LRRC4C: variants seen among roughly 807,000 people sequenced by gnomAD.
The protein encoded by LRRC4C is leucine rich repeat containing 4C.
A neutral mutation model predicts 33.6 loss-of-function variants in LRRC4C; 5 were observed. That is an observed-to-expected ratio of 0.15 (90% CI 0.08 to 0.31). The LOEUF (loss-of-function observed/expected upper bound fraction) is 0.31, where lower values mean the gene tolerates loss of function less well. LRRC4C is among the 10% of genes least tolerant of loss of function. The pLI is 1.00. For synonymous variants in LRRC4C, 329 were observed against 302.0 expected (o/e 1.09, Z -0.93); for missense variants, 560 against 796.7 (o/e 0.70, Z 3.58).
At chr11:40,794,700 A>T (rs768120671) in intron 2 of LRRC4C, among the ~76,000 whole-genome samples, 3 of 152,216 alleles carry the variant, frequency 2.0e-5, no homozygotes, top group Admixed American at 6.5e-5. Context: ...AATTCCTATG[A>T]GTAATACTGA....
intron 1 of LRRC4C, among the ~76,000 whole-genome samples, chr11:41,049,957 A>G (rs1449256842): frequency 6.6e-6 from 1 of 152,224 alleles, no homozygotes; most frequent in Non-Finnish European, 1.5e-5. Flanking sequence ...GAATTTTCCA[A>G]TGACTCATAA....
intron 1 of LRRC4C, among the ~76,000 whole-genome samples, chr11:40,981,134 G>T (rs190432410): frequency 7.8e-4 from 118 of 152,236 alleles, no homozygotes; most frequent in South Asian, 1.5e-3. Context: ...TCTAATTGGC[G>T]GCTGGGCGAG....
chr11:41,135,117 C>T (rs887639253), intron 1 of LRRC4C, among the ~76,000 whole-genome samples: 3 of 152,144 alleles, frequency 2.0e-5, no homozygotes, highest in Admixed American at 2.0e-4. Context: ...TTAACATTGA[C>T]ACATGGCCAT....
intron 3 of LRRC4C, among the ~76,000 whole-genome samples, chr11:40,371,938 G>C (rs1026696539): frequency 6.6e-6 from 1 of 152,082 alleles, no homozygotes; most frequent in African/African-American, 2.4e-5. Context: ...GCGGCTATGG[G>C]ATGAAAAAAC....
chr11:41,010,436 T>C (rs1855088021), intron 1 of LRRC4C, among the ~76,000 whole-genome samples: 1 of 152,186 alleles, frequency 6.6e-6, no homozygotes, highest in Non-Finnish European at 1.5e-5. Flanking sequence ...AGTGAAAATA[T>C]ACCAGGCATT....
intron 1 of LRRC4C, among the ~76,000 whole-genome samples, chr11:41,053,137 C>T (rs1407713669): frequency 6.6e-6 from 1 of 152,212 alleles, no homozygotes; most frequent in Non-Finnish European, 1.5e-5. Flanking sequence ...TCCTCATACT[C>T]CTGCCTGTTT....
At chr11:40,916,622 C>T (rs1187402882) in intron 2 of LRRC4C, among the ~76,000 whole-genome samples, 1 of 151,820 alleles carries the variant, frequency 6.6e-6, no homozygotes, top group Non-Finnish European at 1.5e-5. Flanking sequence ...GGGTTCAGCA[C>T]ACCAACATGG....
In LRRC4C at chr11:40,114,875, T is replaced by A. The variant is rs1237120953; in HGVS notation, c.1418A>T (p.Asp473Val). ...CACTGGAGTGGGACCCACATTGTTA[T>A]CTGTGGTCCGTGCCTCATCCTGAGA... ...EPSQDEARTTDNNVGPTPVVD... is the reference protein window; with the variant it reads ...EPSQDEARTTVNNVGPTPVVD... Residue 473 changes from aspartate (D) to valine (V), a missense_variant, in exon 7 of 7, where the codon GAT becomes GTT. This residue lies in a region of LRRC4C where 455 missense variants were observed against 643.8 expected (regional missense o/e 0.71). Coordinates refer to ENST00000528697, the MANE Select transcript of LRRC4C (RefSeq NM_001258419.2). The A allele has an allele frequency of 1.9e-6, 3 of 1,614,072 alleles. No individual in the cohort carries two copies. Among genetic ancestry groups the A allele is most frequent in the Admixed American group, 1.7e-5 (1 of 60,000 alleles).
At chr11:40,881,751 G>C (rs1955188305) in intron 2 of LRRC4C, among the ~76,000 whole-genome samples, 1 of 151,166 alleles carries the variant, frequency 6.6e-6, no homozygotes, top group South Asian at 2.1e-4. Flanking sequence ...TCACCTCTGT[G>C]AAATTTTGTC....
At chr11:40,635,107 T>C (rs912072463) in intron 3 of LRRC4C, among the ~76,000 whole-genome samples, 8 of 152,134 alleles carry the variant, frequency 5.3e-5, no homozygotes, top group Admixed American at 5.2e-4. Context: ...AACACTCCTA[T>C]ACCTCCAGGC....
intron 1 of LRRC4C, among the ~76,000 whole-genome samples, chr11:40,962,904 A>C (rs970289035): frequency 1.3e-5 from 2 of 151,758 alleles, no homozygotes; most frequent in African/African-American, 4.8e-5. Context: ...CAGGACAGGA[A>C]GCAGGAAGAA....
intron 1 of LRRC4C, among the ~76,000 whole-genome samples, chr11:41,239,403 G>A (rs901314780): frequency 6.7e-6 from 1 of 150,342 alleles, no homozygotes; most frequent in African/African-American, 2.4e-5. Context: ...ACTATTAATG[G>A]TCTACAAGGA....
rs549344359 is a variant in LRRC4C, at chr11:41,407,523, A to G, written c.-496+51908T>C. ...CACAATGTTGCCTAGGCTGATCTTGAGCTCCTGGCCTCAAGCAAGCCTCCC... is the reference window on the plus strand; with the variant it reads ...CACAATGTTGCCTAGGCTGATCTTGGGCTCCTGGCCTCAAGCAAGCCTCCC... On this transcript the variant is annotated intron_variant, in intron 1 of 6. Transcript: ENST00000528697. Among the ~76,000 whole-genome samples, 19 of 152,140 alleles carry G rather than the reference A, an allele frequency of 1.2e-4. No individual in the cohort carries two copies. In the East Asian group the frequency reaches 3.7e-3, roughly 29 times the overall value.
At chr11:40,807,356 C>A (rs552996847) in intron 2 of LRRC4C, among the ~76,000 whole-genome samples, 11 of 152,184 alleles carry the variant, frequency 7.2e-5, no homozygotes, top group Non-Finnish European at 1.2e-4. Flanking sequence ...CATCCCCAGA[C>A]CCTGTAATAG....
At chr11:40,721,924 G>A (rs899287322) in intron 2 of LRRC4C, among the ~76,000 whole-genome samples, 4 of 152,238 alleles carry the variant, frequency 2.6e-5, no homozygotes, top group African/African-American at 9.6e-5. Flanking sequence ...CAGCCTGGGC[G>A]ACAGAGCGAC....
intron 1 of LRRC4C, among the ~76,000 whole-genome samples, chr11:41,003,665 T>A (rs992233214): frequency 6.6e-6 from 1 of 151,686 alleles, no homozygotes; most frequent in African/African-American, 2.4e-5. Flanking sequence ...CATTTTTAGG[T>A]TTGTGAATAG....
chr11:40,677,458 T>C (rs1056443617), intron 2 of LRRC4C, among the ~76,000 whole-genome samples: 2 of 152,134 alleles, frequency 1.3e-5, no homozygotes, highest in Non-Finnish European at 2.9e-5. Flanking sequence ...ACACATTTAA[T>C]ATGTAAGTCT....
chr11:40,805,229 C>T (rs1951193620), intron 2 of LRRC4C, among the ~76,000 whole-genome samples: 1 of 152,122 alleles, frequency 6.6e-6, no homozygotes, highest in Non-Finnish European at 1.5e-5. Context: ...AGGGATCATG[C>T]AGATTTAGGA....
chr11:40,925,964 TTGAGTGC>T (rs1398538353), intron 2 of LRRC4C, among the ~76,000 whole-genome samples: 1 of 152,162 alleles, frequency 6.6e-6, no homozygotes, highest in Non-Finnish European at 1.5e-5. Flanking sequence ...CTGCTTTCCT[TTGAGTGC>T]TTATTTAAAT....
Sources: allele counts gnomAD v4.1 joint callset (sites outside exome capture counted in the v4.1 genomes callset), GRCh38; gene constraint gnomAD v4.1.1; regional missense constraint gnomAD v4.1.1; transcripts MANE v1.5; gene names NCBI Gene and HGNC (gene_info 2026-07-23, HGNC 2026-07-21).